Variants in DOCK9 observed in about 807,000 individuals in gnomAD.
DOCK9 encodes the protein dedicator of cytokinesis protein 9.
A neutral mutation model predicts 263.3 loss-of-function variants in DOCK9; 89 were observed. That is an observed-to-expected ratio of 0.34 (90% confidence interval 0.28 to 0.40). The LOEUF (loss-of-function observed/expected upper bound fraction) is 0.40, where lower values mean the gene tolerates loss of function less well. DOCK9 is among the 10% of genes least tolerant of loss of function. The pLI is 1.00. For synonymous variants in DOCK9, 976 were observed against 973.1 expected (o/e 1.00, Z -0.06); for missense variants, 2,140 against 2,603.4 (o/e 0.82, Z 3.87).
intron 45 of DOCK9, among the ~76,000 whole-genome samples, chr13:98,818,111 A>G (rs148927495): frequency 7.6e-4 from 116 of 152,354 alleles, no homozygotes; most frequent in African/African-American, 2.7e-3. Flanking sequence ...TAGCTTTTAT[A>G]TTACAAAAGT....
chr13:98,903,945 G>T (rs532582960), intron 10 of DOCK9, among the ~76,000 whole-genome samples: 2 of 152,250 alleles, frequency 1.3e-5, no homozygotes, highest in African/African-American at 4.8e-5. Context: ...TCACAGAGTA[G>T]AACAGAGGTT....
intron 29 of DOCK9, 56 bp from the exon 30 acceptor site, chr13:98,867,592 C>A: frequency 8.8e-7 from 1 of 1,130,072 alleles, no homozygotes; most frequent in Non-Finnish European, 1.3e-6. Context: ...ATACAGGATT[C>A]TAAAAAACCT....
At chr13:98,865,993 G>A (rs1371326959) in intron 30 of DOCK9, among the ~76,000 whole-genome samples, 1 of 151,650 alleles carries the variant, frequency 6.6e-6, no homozygotes, top group African/African-American at 2.4e-5. Flanking sequence ...CCACAGAGGT[G>A]GGGGGCCAGG....
At chr13:99,032,174 T>A (rs1289221966) in intron 1 of DOCK9, among the ~76,000 whole-genome samples, 1 of 152,076 alleles carries the variant, frequency 6.6e-6, no homozygotes, top group Non-Finnish European at 1.5e-5. Context: ...TTATACACTG[T>A]TAAAACTGAT....
chr13:98,834,257 T>G (rs1359653476), intron 39 of DOCK9: 1 of 152,330 alleles, frequency 6.6e-6, no homozygotes, highest in East Asian at 1.9e-4. Flanking sequence ...CAAAATGAGG[T>G]AACTGGAACG....
At position 98,918,473 on chromosome 13, in the gene DOCK9, A is replaced by G. The variant is rs142413527; in HGVS notation, c.717+2481T>C. Among the ~76,000 whole-genome samples the G allele has an allele frequency of 2.4e-4, 37 of 152,330 alleles. No homozygotes were observed. The East Asian group carries it at 6.6e-3, about 27-fold the overall frequency. ...TTCTATTTATATGTTATAACTTAAC[A>G]AAAAAGCTTACCAAAGCATAAAATA... is the stretch of plus-strand genomic sequence containing the variant. On this transcript the variant is annotated intron_variant, in intron 7 of 52. Coordinates refer to ENST00000682017, the MANE Select transcript of DOCK9 (RefSeq NM_001366683.2).
chr13:99,003,906 G>C (rs2141859725), intron 1 of DOCK9, among the ~76,000 whole-genome samples: 1 of 152,186 alleles, frequency 6.6e-6, no homozygotes, highest in African/African-American at 2.4e-5. Flanking sequence ...CTCTAATACA[G>C]GAATAAAGTT....
chr13:99,058,796 T>A (rs1028346792), intron 1 of DOCK9, among the ~76,000 whole-genome samples: 8 of 152,144 alleles, frequency 5.3e-5, no homozygotes, highest in African/African-American at 1.7e-4. Context: ...AGGGCACATG[T>A]AGCAGCCACA....
At chr13:98,862,693 A>G (rs1275332425) in intron 32 of DOCK9, among the ~76,000 whole-genome samples, 7 of 69,450 alleles carry the variant, frequency 1.0e-4, no homozygotes, top group African/African-American at 2.0e-4. Context: ...ATCTTGGGGA[A>G]AAAAAAAAAA....
At chr13:98,885,117 A>G (rs774577332) in intron 20 of DOCK9, 25 bp from the exon 21 acceptor site, 38 of 1,612,404 alleles carry the variant, frequency 2.4e-5, no homozygotes, top group Non-Finnish European at 3.2e-5. Context: ...GAACAACAAC[A>G]ACAACAGAAC....
chr13:99,046,810 C>T (rs527294321), intron 1 of DOCK9, among the ~76,000 whole-genome samples: 121 of 152,334 alleles, frequency 7.9e-4, no homozygotes, highest in Non-Finnish European at 1.5e-3. Context: ...TCTTAATCCT[C>T]CTGAAGACAT....
rs371967988 is a variant in DOCK9 at position 99,015,261 on chromosome 13, T to C, written c.130-59710A>G. Among the ~76,000 whole-genome samples, 7 of 152,342 alleles carry C rather than the reference T, an allele frequency of 4.6e-5. 1 individual carries two copies. Among genetic ancestry groups the C allele is most frequent in the African/African-American group, 1.7e-4 (7 of 41,576 alleles). ...TCTGTATGTATTTAGCTTTGATGAATACATGGCATTCTCACACATACAAAC... is the reference window on the plus strand; with the variant it reads ...TCTGTATGTATTTAGCTTTGATGAACACATGGCATTCTCACACATACAAAC... On this transcript the variant is annotated intron_variant, in intron 1 of 32. Coordinates refer to the DOCK9 transcript ENST00000427887.
chr13:99,083,566 A>G (rs1040186356), intron 1 of DOCK9, among the ~76,000 whole-genome samples: 8 of 152,316 alleles, frequency 5.3e-5, no homozygotes, highest in South Asian at 2.1e-4. Flanking sequence ...CAAAATCTCA[A>G]TAATTATTCA....
intron 1 of DOCK9, among the ~76,000 whole-genome samples, chr13:99,075,918 G>A (rs528656253): frequency 1.3e-5 from 2 of 152,152 alleles, no homozygotes; most frequent in African/African-American, 4.8e-5. Context: ...TTCAATAGAG[G>A]GGGGAAGTCT....
At chr13:99,025,853 C>A (rs541803818) in intron 1 of DOCK9, among the ~76,000 whole-genome samples, 5 of 152,316 alleles carry the variant, frequency 3.3e-5, no homozygotes, top group African/African-American at 1.2e-4. Context: ...ATATTATGTA[C>A]CAACTTTTAA....
At chr13:98,858,482 G>A (rs2093762222) in intron 33 of DOCK9, 1 of 152,150 alleles carries the variant, frequency 6.6e-6, no homozygotes, top group African/African-American at 2.4e-5. Context: ...TGCTCTTGAA[G>A]GAGAAGCACC....
At chr13:98,850,136 G>A (rs1444728269) in intron 35 of DOCK9, 23 bp from the exon 36 acceptor site, 3 of 1,406,930 alleles carry the variant, frequency 2.1e-6, no homozygotes, top group Non-Finnish European at 2.9e-6. Context: ...CATTTACTTA[G>A]AATCACAATA....
At chr13:98,873,183 T>C (rs1484733742) in intron 27 of DOCK9, among the ~76,000 whole-genome samples, 1 of 152,238 alleles carries the variant, frequency 6.6e-6, no homozygotes. Context: ...TTTTCCCTTG[T>C]AGTCATTGCC....
intron 2 of DOCK9, among the ~76,000 whole-genome samples, chr13:98,942,964 T>C (rs892794285): frequency 2.0e-5 from 3 of 152,256 alleles, no homozygotes; most frequent in Non-Finnish European, 2.9e-5. Context: ...ATGCAGTGCA[T>C]GACTGTATTT....
Sources: gnomAD v4.1 joint callset for allele counts (sites outside exome capture counted in the v4.1 genomes callset) on GRCh38, gnomAD v4.1.1 for gene constraint, MANE v1.5 for transcripts, NCBI Gene and HGNC (gene_info 2026-07-23, HGNC 2026-07-21) for gene names.